Variants in GRID2 observed in about 807,000 individuals in gnomAD.
GRID2 encodes the protein glutamate receptor ionotropic, delta-2.
GRID2 carries 33 observed loss-of-function variants against 114.8 expected under a neutral mutation model. The ratio of observed to expected loss-of-function variants is 0.29; its 90% CI spans 0.22 to 0.38. The LOEUF (loss-of-function observed/expected upper bound fraction) is 0.38. GRID2 is among the 10% of genes least tolerant of loss of function. The pLI is 1.00. For synonymous variants in GRID2, 505 were observed against 449.9 expected (o/e 1.12, Z -1.55); for missense variants, 1,184 against 1,257.7 (o/e 0.94, Z 0.89).
chr4:92,636,476 T>A (rs1731071717), intron 2 of GRID2, among the ~76,000 whole-genome samples: 1 of 152,144 alleles, frequency 6.6e-6, no homozygotes, highest in Admixed American at 6.6e-5. Flanking sequence ...AGTTCCAATA[T>A]TTTTGCTCAC....
At chr4:92,879,270 A>G (rs570083801) in intron 2 of GRID2, among the ~76,000 whole-genome samples, 1 of 152,328 alleles carries the variant, frequency 6.6e-6, no homozygotes, top group East Asian at 1.9e-4. Context: ...GGGAAGACAG[A>G]GTAAATACTG....
intron 10 of GRID2, among the ~76,000 whole-genome samples, chr4:93,446,673 A>T (rs1447377986): frequency 6.6e-6 from 1 of 151,976 alleles, no homozygotes; most frequent in Non-Finnish European, 1.5e-5. Flanking sequence ...AACAGACTCC[A>T]GCAATTTTCA....
chr4:92,920,302 A>C (rs183694562), intron 2 of GRID2, among the ~76,000 whole-genome samples: 1 of 152,198 alleles, frequency 6.6e-6, no homozygotes, highest in Admixed American at 6.5e-5. Flanking sequence ...TCTTTATCCA[A>C]TTTGCCAGAC....
At position 92,461,511 on chromosome 4, in the gene GRID2, T is replaced by C. The variant is rs145687783; in HGVS notation, c.89-128620T>C. Reference sequence around the variant, plus strand: ...CAAACCCTTCAATATGCTTTCTCGATATCTTTCTCATAAGAACTCAGATAA... The same window carrying C: ...CAAACCCTTCAATATGCTTTCTCGACATCTTTCTCATAAGAACTCAGATAA... On this transcript the variant is annotated intron_variant, in intron 1 of 15. Transcript: ENST00000282020. Among the ~76,000 whole-genome samples the C allele has an allele frequency of 6.8e-3, 1,028 of 152,140 alleles. 3 individuals are homozygous for C. The highest frequency in any genetic ancestry group is 0.024 in the Middle Eastern group (7 of 294).
At chr4:92,538,908 G>A (rs975607058) in intron 1 of GRID2, among the ~76,000 whole-genome samples, 1 of 152,064 alleles carries the variant, frequency 6.6e-6, no homozygotes, top group South Asian at 2.1e-4. Flanking sequence ...CAGGCATGGT[G>A]GTGGGCACCT....
intron 1 of GRID2, among the ~76,000 whole-genome samples, chr4:92,437,474 C>T (rs1166708973): frequency 1.3e-5 from 2 of 152,042 alleles, no homozygotes; most frequent in Non-Finnish European, 2.9e-5. Flanking sequence ...TTGCCTTGTT[C>T]CCCAGGCTGG....
At chr4:93,269,419 T>C (rs113057642) in intron 8 of GRID2, among the ~76,000 whole-genome samples, 7 of 152,264 alleles carry the variant, frequency 4.6e-5, no homozygotes, top group African/African-American at 1.7e-4. Flanking sequence ...AATTAGAAGG[T>C]CCAGCCTGTG....
At chr4:92,764,486 T>G (rs1479337631) in intron 2 of GRID2, among the ~76,000 whole-genome samples, 1 of 152,148 alleles carries the variant, frequency 6.6e-6, no homozygotes, top group Non-Finnish European at 1.5e-5. Flanking sequence ...CACAGTTGGC[T>G]GCCCACCCTA....
At chr4:93,301,798 T>C (rs1754898414) in intron 8 of GRID2, among the ~76,000 whole-genome samples, 1 of 152,206 alleles carries the variant, frequency 6.6e-6, no homozygotes, top group Non-Finnish European at 1.5e-5. Context: ...TTACAGCCAC[T>C]TCATTTTGTT....
chr4:93,805,898 A>T (rs9992385), intron 1 of GRID2, among the ~76,000 whole-genome samples: 76,346 of 152,000 alleles, frequency 0.5, 19,540 homozygotes, highest in Non-Finnish European at 0.55. Flanking sequence ...AGAGTTTGAG[A>T]CTAGCTTGAC....
chr4:93,359,139 C>G (rs564011914), intron 8 of GRID2, among the ~76,000 whole-genome samples: 3 of 152,212 alleles, frequency 2.0e-5, no homozygotes, highest in Non-Finnish European at 2.9e-5. Context: ...TAATTCATCC[C>G]TCTTTCAAAT....
In GRID2 at chr4:93,085,152, C is replaced by T; in HGVS notation, c.402C>T (p.Thr134=). The change falls in exon 3 of 16, where the codon ACC becomes ACT. Residue 134 remains threonine (T), a synonymous_variant. Coordinates refer to ENST00000282020, the MANE Select transcript of GRID2 (RefSeq NM_001510.4). ...CCCCAAGGAGTGGCTGTGGACTCAC[C>T]CGGAGCAACAGGAATGATGACTACA... ...AGTPRSGCGL[T]RSNRNDDYTL... 6.2e-7 allele frequency: 1 copy of T among 1,614,082 alleles called. No individual in the cohort carries two copies. Among genetic ancestry groups the T allele is most frequent in the Non-Finnish European group, 8.5e-7 (1 of 1,179,996 alleles).
At chr4:93,053,889 T>C (rs1175596589) in intron 2 of GRID2, among the ~76,000 whole-genome samples, 1 of 151,928 alleles carries the variant, frequency 6.6e-6, no homozygotes, top group Non-Finnish European at 1.5e-5. Context: ...TATTCCTTTT[T>C]TGTGCCACAC....
At chr4:92,984,577 A>T (rs574072066) in intron 2 of GRID2, among the ~76,000 whole-genome samples, 1 of 152,306 alleles carries the variant, frequency 6.6e-6, no homozygotes, top group African/African-American at 2.4e-5. Context: ...TTTTCACCAT[A>T]AACCTCCGAG....
At chr4:92,375,817 A>T (rs1239135266) in intron 1 of GRID2, among the ~76,000 whole-genome samples, 2 of 152,218 alleles carry the variant, frequency 1.3e-5, no homozygotes, top group African/African-American at 4.8e-5. Context: ...ATATTAGGTT[A>T]GAAAAAATGC....
intron 10 of GRID2, among the ~76,000 whole-genome samples, chr4:93,448,211 A>G (rs1217530570): frequency 6.6e-6 from 1 of 151,984 alleles, no homozygotes; most frequent in African/African-American, 2.4e-5. Flanking sequence ...AGTGGAAGTA[A>G]CAGATTTTAT....
At chr4:93,809,694 A>G (rs1033133435) in exon 2 of GRID2, 6 of 152,234 alleles carry the variant, frequency 3.9e-5, no homozygotes, top group Non-Finnish European at 8.8e-5. Context: ...AATGGAATGG[A>G]AAATAATTCA....
intron 8 of GRID2, among the ~76,000 whole-genome samples, chr4:93,286,694 GGTGT>G (rs113830718): frequency 2.3e-4 from 34 of 148,268 alleles, no homozygotes; most frequent in Non-Finnish European, 3.3e-4. Context: ...TGTGTGTGGG[GGTGT>G]GTGTGTGTGT....
chr4:93,661,455 A>C (rs867281018), intron 14 of GRID2, among the ~76,000 whole-genome samples: 1 of 152,226 alleles, frequency 6.6e-6, no homozygotes, highest in Non-Finnish European at 1.5e-5. Flanking sequence ...TCCTAAGTGC[A>C]AGAAGGCTGT....
Sources: gnomAD v4.1 joint callset for allele counts (sites outside exome capture counted in the v4.1 genomes callset) on GRCh38, gnomAD v4.1.1 for gene constraint, MANE v1.5 for transcripts, NCBI Gene and HGNC (gene_info 2026-07-23, HGNC 2026-07-21) for gene names.